The following ANXA10 variants were observed in gnomAD, a reference collection of about 807,000 sequenced individuals.
The protein encoded by ANXA10 is annexin A10, also known as annexin 14.
A neutral mutation model predicts 53.5 loss-of-function variants in ANXA10; 49 were observed. That is an observed-to-expected ratio of 0.92 (90% CI 0.73 to 1.16). The LOEUF is 1.16. ANXA10 is among the 50% of genes most tolerant of loss of function. ANXA10 has a pLI of 0.00. For missense variants in ANXA10, 393 were observed against 394.4 expected, an observed-to-expected ratio of 1.00 and a Z score of 0.03; for synonymous variants, 131 against 128.9, an observed-to-expected ratio of 1.02 and a Z score of -0.11.
At chr4:168,124,259 C>T (rs930711046) in intron 1 of ANXA10, among the ~76,000 whole-genome samples, 6 of 152,150 alleles carry the variant, frequency 3.9e-5, no homozygotes, top group Middle Eastern at 3.4e-3. Context: ...CTTGTATAGA[C>T]GGTCGCCATG....
At chr4:168,140,652 C>T (rs1364729829) in intron 3 of ANXA10, among the ~76,000 whole-genome samples, 1 of 150,616 alleles carries the variant, frequency 6.6e-6, no homozygotes, top group Admixed American at 6.6e-5. Context: ...GAGTTTCGCT[C>T]CTGTTGTCCA....
chr4:168,150,211 G>A (rs1441244221), intron 3 of ANXA10, among the ~76,000 whole-genome samples: 1 of 152,086 alleles, frequency 6.6e-6, no homozygotes, highest in African/African-American at 2.4e-5. Context: ...TTTGAAAGGG[G>A]AGAGTTTAGA....
At chr4:168,122,003 C>T (rs1388766580) in intron 1 of ANXA10, among the ~76,000 whole-genome samples, 2 of 124,452 alleles carry the variant, frequency 1.6e-5, no homozygotes, top group Admixed American at 1.7e-4. Context: ...CCACCACGCC[C>T]GGCTACTTTT....
chr4:168,180,075 G>A (rs1732211723), intron 9 of ANXA10, among the ~76,000 whole-genome samples: 1 of 152,116 alleles, frequency 6.6e-6, no homozygotes, highest in African/African-American at 2.4e-5. Flanking sequence ...TTGAATGGCA[G>A]AGGCATACAC....
intron 10 of ANXA10, among the ~76,000 whole-genome samples, chr4:168,182,650 T>TA (rs769432081): frequency 5.3e-5 from 8 of 150,148 alleles, no homozygotes; most frequent in Non-Finnish European, 1.0e-4. Flanking sequence ...TTCATTTTTT[T>TA]AAAAAACAAA....
chr4:168,092,627 C>G lies in ANXA10; in HGVS notation c.-74C>G. On this transcript the variant is annotated 5_prime_UTR_variant, in exon 1 of 12. Coordinates refer to ENST00000359299, the MANE Select transcript of ANXA10 (RefSeq NM_007193.5). Reference sequence around the variant, plus strand: ...ATTTAACAGTGAACCTTAATTCTTTCTGGCTTCACAGTGAAACAAGTTTAT... The same window carrying G: ...ATTTAACAGTGAACCTTAATTCTTTGTGGCTTCACAGTGAAACAAGTTTAT... The G allele has an allele frequency of 7.2e-7, 1 of 1,396,586 alleles. No homozygotes were observed. The highest frequency in any genetic ancestry group is 1.0e-6 in the Non-Finnish European group (1 of 999,468). The allele number at this position is 1,396,586 out of a possible 1,614,324, so 86.5% of individuals were successfully genotyped here. A position where few individuals can be genotyped will look rare whatever the true frequency, so the allele number is the denominator to read the frequency against.
chr4:168,143,401 C>G (rs1232510601), intron 3 of ANXA10, among the ~76,000 whole-genome samples: 1 of 152,228 alleles, frequency 6.6e-6, no homozygotes, highest in Non-Finnish European at 1.5e-5. Context: ...TCCATGAACA[C>G]TTCTTACTTG....
rs578064823 is a variant in ANXA10 at position 168,120,740 on chromosome 4, CTTAATG to C, written c.19-7335_19-7330del. ...AAAAATTGTTTATAAGATATAATGACTTAATGTTAATGTTTTTATTTCTTCTCTTAA... is the reference window on the plus strand; with the variant it reads ...AAAAATTGTTTATAAGATATAATGACTTAATGTTTTTATTTCTTCTCTTAA... On this transcript the variant is annotated intron_variant, in intron 1 of 11. Transcript: ENST00000359299. 2.5e-3 allele frequency among the ~76,000 whole-genome samples: 387 copies of C among 152,096 alleles called. 1 individual carries two copies. Among genetic ancestry groups the C allele is most frequent in the Non-Finnish European group, 4.2e-3 (287 of 67,934 alleles).
intron 1 of ANXA10, among the ~76,000 whole-genome samples, chr4:168,123,116 A>T (rs1269639760): frequency 6.6e-6 from 1 of 152,184 alleles, no homozygotes; most frequent in Non-Finnish European, 1.5e-5. Context: ...GGGTCTACAC[A>T]TAAGATTGCC....
chr4:168,182,830 A>G (rs1456678491), intron 10 of ANXA10, among the ~76,000 whole-genome samples: 8 of 149,584 alleles, frequency 5.3e-5, no homozygotes, highest in East Asian at 2.0e-4. Flanking sequence ...CTAACACGGT[A>G]AAACCCCGTC....
intron 1 of ANXA10, among the ~76,000 whole-genome samples, chr4:168,104,076 T>A (rs993851900): frequency 1.3e-5 from 2 of 152,084 alleles, no homozygotes; most frequent in African/African-American, 4.8e-5. Flanking sequence ...AGTTGCTTTG[T>A]CTTTTAAATT....
In ANXA10 at chr4:168,092,814, G is replaced by A. The variant is rs867457428; in HGVS notation, c.18+96G>A. ...TTTTTTGACGTTTTTAACAGAAAAT[G>A]TTGTTCTAATTTGTTTTTATTCTTA... On this transcript the variant is annotated intron_variant, in intron 1 of 11. Transcript: ENST00000359299. The A allele has an allele frequency of 9.9e-5, 119 of 1,204,194 alleles. 1 individual carries two copies. In the Middle Eastern group the frequency reaches 3.2e-3, roughly 33 times the overall value. The allele number at this position is 1,204,194 out of a possible 1,614,324, so 74.6% of individuals were successfully genotyped here. A position where few individuals can be genotyped will look rare whatever the true frequency, so the allele number is the denominator to read the frequency against.
At chr4:168,109,762 TA>T (rs1730774211) in intron 1 of ANXA10, among the ~76,000 whole-genome samples, 1 of 152,162 alleles carries the variant, frequency 6.6e-6, no homozygotes, top group Non-Finnish European at 1.5e-5. Flanking sequence ...TATAAAATCA[TA>T]ACAAAATATA....
intron 8 of ANXA10, chr4:168,178,214 A>T: frequency 2.0e-6 from 1 of 503,890 alleles, no homozygotes; most frequent in South Asian, 2.4e-5. Context: ...TGAGCATTTT[A>T]AAAATAATCT....
intron 1 of ANXA10, chr4:168,127,705 T>C (rs755371092): frequency 4.5e-6 from 2 of 447,538 alleles, no homozygotes; most frequent in African/African-American, 2.1e-5. Context: ...CTCTCTGCAA[T>C]TGACACACAA....
intron 3 of ANXA10, among the ~76,000 whole-genome samples, chr4:168,151,173 A>T (rs1376632710): frequency 6.6e-6 from 1 of 152,178 alleles, no homozygotes; most frequent in South Asian, 2.1e-4. Flanking sequence ...AGGGAGATAG[A>T]ATTAAGATAA....
chr4:168,122,475 C>T (rs1166588628), intron 1 of ANXA10, among the ~76,000 whole-genome samples: 1 of 152,152 alleles, frequency 6.6e-6, no homozygotes, highest in Non-Finnish European at 1.5e-5. Flanking sequence ...TACCTAGAAC[C>T]GAATTCAATA....
chr4:168,155,740 CATATATTATATATTATATA>C (rs1560783607), intron 3 of ANXA10, among the ~76,000 whole-genome samples: 309 of 30,512 alleles, frequency 0.01, 34 homozygotes, highest in African/African-American at 0.04. Flanking sequence ...TATGATATAT[CATATATTATATATTATATA>C]ATATATGATA....
In ANXA10 at chr4:168,156,329, T is replaced by G. The variant is rs1731678142; in HGVS notation, c.196-6199T>G. 5.7e-4 allele frequency among the ~76,000 whole-genome samples: 66 copies of G among 116,364 alleles called. 1 individual carries two copies. The South Asian group carries it at 0.016, about 28-fold the overall frequency. The allele number at this position is 116,364 out of a possible 152,430, so 76.3% of individuals were successfully genotyped here. ...ATAATAGTATATATAATATATAATA[T>G]ATTATATAGTATATATGTTATATAA... On this transcript the variant is annotated intron_variant, in intron 3 of 11. Transcript: ENST00000359299.
Sources: allele counts gnomAD v4.1 joint callset (sites outside exome capture counted in the v4.1 genomes callset), GRCh38; gene constraint gnomAD v4.1.1; transcripts MANE v1.5; gene names NCBI Gene and HGNC (gene_info 2026-07-23, HGNC 2026-07-21).